The following ZNF385D variants were observed in gnomAD, a reference collection of about 807,000 sequenced individuals.
The protein encoded by ZNF385D is zinc finger protein 659.
Under a neutral mutation model 35.8 loss-of-function variants are expected in ZNF385D, and 15 were observed. The observed-to-expected ratio is 0.42, with a 90% confidence interval of 0.28 to 0.64. ZNF385D has a LOEUF of 0.64. ZNF385D is among the 30% of genes least tolerant of loss of function. ZNF385D has a pLI of 0.23. For synonymous variants in ZNF385D, 212 were observed against 186.8 expected (o/e 1.13, Z -1.10); for missense variants, 474 against 494.6 (o/e 0.96, Z 0.39).
intron 3 of ZNF385D, among the ~76,000 whole-genome samples, chr3:21,812,585 G>C (rs1287892905): frequency 6.6e-6 from 1 of 152,264 alleles, no homozygotes; most frequent in African/African-American, 2.4e-5. Flanking sequence ...CGCCCACGGA[G>C]CCTTGCTCAC....
chr3:21,966,523 T>G (rs1349204355), intron 3 of ZNF385D, among the ~76,000 whole-genome samples: 2 of 152,164 alleles, frequency 1.3e-5, no homozygotes, highest in African/African-American at 4.8e-5. Flanking sequence ...ATTTCCTGAT[T>G]AATTGTGTCC....
intron 3 of ZNF385D, among the ~76,000 whole-genome samples, chr3:22,151,986 C>T (rs12487563): frequency 0.041 from 6,308 of 152,098 alleles, 210 homozygotes; most frequent in Non-Finnish European, 0.061. Flanking sequence ...TAATTTTTTT[C>T]TGTTCCTCTC....
intron 2 of ZNF385D, among the ~76,000 whole-genome samples, chr3:21,637,622 T>A (rs1422695747): frequency 6.6e-6 from 1 of 152,090 alleles, no homozygotes; most frequent in Non-Finnish European, 1.5e-5. Flanking sequence ...TCTTAAATAC[T>A]GTAGAACTTC....
chr3:21,825,077 A>T (rs1392849399), intron 3 of ZNF385D, among the ~76,000 whole-genome samples: 1 of 152,252 alleles, frequency 6.6e-6, no homozygotes, highest in Non-Finnish European at 1.5e-5. Flanking sequence ...TGTAATTATC[A>T]GTACCATATA....
chr3:21,845,885 A>T (rs973612070), intron 3 of ZNF385D, among the ~76,000 whole-genome samples: 4 of 152,042 alleles, frequency 2.6e-5, no homozygotes, highest in Non-Finnish European at 4.4e-5. Flanking sequence ...TTAGAGATTC[A>T]CACAAAAAAG....
At chr3:21,645,888 A>G (rs1272798052) in intron 2 of ZNF385D, among the ~76,000 whole-genome samples, 4 of 152,152 alleles carry the variant, frequency 2.6e-5, no homozygotes. Flanking sequence ...AAAACTGTAC[A>G]TTTTCACCAG....
chr3:21,680,362 C>T (rs375637126), intron 1 of ZNF385D, among the ~76,000 whole-genome samples: 9 of 151,956 alleles, frequency 5.9e-5, no homozygotes, highest in East Asian at 5.8e-4. Context: ...TTGTTCTTGC[C>T]GGCTTCTCCT....
rs371721587 is a variant in ZNF385D, at chr3:21,462,596, CAAATT to C, written c.440-25398_440-25394del. 4.2e-4 allele frequency among the ~76,000 whole-genome samples: 64 copies of C among 152,210 alleles called. No homozygotes were observed. In the East Asian group the frequency reaches 0.011, roughly 27 times the overall value. On this transcript the variant is annotated intron_variant, in intron 4 of 7. Coordinates refer to ENST00000281523, the MANE Select transcript of ZNF385D (RefSeq NM_024697.3). ...TAAAAACATAAAGCAGGTTAAAAGA[CAAATT>C]AAATCAAAATAAAATTTAAAAGCTA...
intron 2 of ZNF385D, among the ~76,000 whole-genome samples, chr3:22,279,524 A>G (rs1028268543): frequency 3.5e-5 from 5 of 144,632 alleles, no homozygotes; most frequent in Non-Finnish European, 7.5e-5. Context: ...ATATACATAT[A>G]CATATGTACA....
rs77076668 is a variant in ZNF385D at position 21,818,305 on chromosome 3, T to C, written c.326-153277A>G. Among the ~76,000 whole-genome samples the C allele has an allele frequency of 2.4e-3, 363 of 152,326 alleles. 2 individuals carry two copies. Among genetic ancestry groups the C allele is most frequent in the African/African-American group, 8.3e-3 (347 of 41,566 alleles). The stretch of plus-strand genomic sequence containing the variant: ...GTAACAAACATGCACGTTGTGCATA[T>C]GTACTCTAGAACATAAGGTATAATA... On this transcript the variant is annotated intron_variant, in intron 3 of 5. Coordinates refer to the ZNF385D transcript ENST00000494108.
chr3:21,483,228 G>A (rs1036657260), intron 4 of ZNF385D, among the ~76,000 whole-genome samples: 5 of 152,112 alleles, frequency 3.3e-5, no homozygotes, highest in Admixed American at 6.5e-5. Context: ...CACATAAGTG[G>A]AATAGTAAAA....
chr3:22,191,953 G>C (rs984842594), intron 2 of ZNF385D, among the ~76,000 whole-genome samples: 1 of 152,118 alleles, frequency 6.6e-6, no homozygotes, highest in Non-Finnish European at 1.5e-5. Context: ...AACAAAGCAT[G>C]ATTCCTCTTA....
At chr3:22,227,235 C>T (rs1034878338) in intron 2 of ZNF385D, among the ~76,000 whole-genome samples, 3 of 152,036 alleles carry the variant, frequency 2.0e-5, no homozygotes, top group African/African-American at 7.2e-5. Flanking sequence ...TCCTAACTCC[C>T]ATAACCGTTG....
chr3:22,063,950 A>G (rs1699812114), intron 3 of ZNF385D, among the ~76,000 whole-genome samples: 2 of 152,170 alleles, frequency 1.3e-5, no homozygotes, highest in Non-Finnish European at 2.9e-5. Flanking sequence ...TATAACCCAC[A>G]GTTATTAATC....
intron 3 of ZNF385D, among the ~76,000 whole-genome samples, chr3:22,114,074 A>G (rs1185569896): frequency 6.6e-6 from 1 of 152,146 alleles, no homozygotes; most frequent in Admixed American, 6.6e-5. Flanking sequence ...TTTAAGTGAG[A>G]AAACATAAAT....
chr3:22,145,058 G>T (rs948760628), intron 3 of ZNF385D, among the ~76,000 whole-genome samples: 15 of 150,282 alleles, frequency 1.0e-4, no homozygotes, highest in African/African-American at 2.0e-4. Context: ...TTAGTTATCA[G>T]TGATACTACA....
intron 4 of ZNF385D, among the ~76,000 whole-genome samples, chr3:21,463,996 C>A (rs887074168): frequency 6.6e-6 from 1 of 151,906 alleles, no homozygotes; most frequent in Non-Finnish European, 1.5e-5. Flanking sequence ...TGAAACAAAG[C>A]AATTAATGAA....
intron 3 of ZNF385D, among the ~76,000 whole-genome samples, chr3:21,830,617 C>G (rs1015039769): frequency 6.6e-6 from 1 of 152,026 alleles, no homozygotes; most frequent in Admixed American, 6.6e-5. Context: ...CCTTGTCTGT[C>G]GAAGATGAGA....
At chr3:21,690,205 G>T (rs2054944) in intron 1 of ZNF385D, among the ~76,000 whole-genome samples, 60,885 of 151,872 alleles carry the variant, frequency 0.4, 13,775 homozygotes, top group Non-Finnish European at 0.52. Flanking sequence ...GTTTGTGTGT[G>T]TGCATATATA....
Sources: allele counts gnomAD v4.1 joint callset (sites outside exome capture counted in the v4.1 genomes callset), GRCh38; gene constraint gnomAD v4.1.1; transcripts MANE v1.5; gene names NCBI Gene and HGNC (gene_info 2026-07-23, HGNC 2026-07-21).